ZNF827: variants seen among roughly 807,000 people sequenced by gnomAD.
ZNF827 encodes the protein zinc finger protein 827.
Under a neutral mutation model 102.4 loss-of-function variants are expected in ZNF827, and 13 were observed. The ratio of observed to expected loss-of-function variants is 0.13; its 90% CI spans 0.08 to 0.20. The LOEUF is 0.20. Ranked by LOEUF, ZNF827 falls within the 10% of genes least tolerant of loss-of-function variation. The pLI is 1.00. For synonymous variants in ZNF827, 523 were observed against 536.2 expected, an observed-to-expected ratio of 0.98 and a Z score of 0.34; for missense variants, 1,103 against 1,344.4, an observed-to-expected ratio of 0.82 and a Z score of 2.81.
At chr4:145,799,356 T>A (rs534149983) in intron 8 of ZNF827, among the ~76,000 whole-genome samples, 1 of 152,198 alleles carries the variant, frequency 6.6e-6, no homozygotes, top group African/African-American at 2.4e-5. Context: ...TATGACATCA[T>A]TAATCCTCAC....
At chr4:145,935,928 A>G (rs1371320882) in intron 1 of ZNF827, among the ~76,000 whole-genome samples, 1 of 152,244 alleles carries the variant, frequency 6.6e-6, no homozygotes, top group African/African-American at 2.4e-5. Context: ...CACAGACGAA[A>G]CAGATAAATC....
In ZNF827 at chr4:145,885,885, C is replaced by T; in HGVS notation, c.1540G>A (p.Gly514Arg). The change falls in exon 4 of 15, where the codon GGG (glycine) becomes AGG (arginine). Residue 514 changes from glycine (G) to arginine (R), a missense_variant. By Grantham distance (125) the Gly-to-Arg change is moderately radical. Coordinates refer to ENST00000508784, the MANE Select transcript of ZNF827 (RefSeq NM_001306215.2). ...ACCAGCAAAGGCGAGACGCCAGCCC[C>T]TCCCTGGCTAGTCCTCTCTGGAGTG... is the stretch of plus-strand genomic sequence containing the variant. ...SNTPERTSQGGAGVSPLLVKE... is the reference protein window; with the variant it reads ...SNTPERTSQGRAGVSPLLVKE... 1 of 1,614,236 alleles carries T rather than the reference C, an allele frequency of 6.2e-7. No individual in the cohort carries two copies. The highest frequency in any genetic ancestry group is 8.5e-7 in the Non-Finnish European group (1 of 1,180,050).
intron 4 of ZNF827, 25 bp from the exon 5 acceptor site, chr4:145,870,503 T>C: frequency 3.1e-6 from 5 of 1,606,434 alleles, no homozygotes; most frequent in South Asian, 2.2e-5. Context: ...AAAGGGATTA[T>C]ATATACATAA....
intron 1 of ZNF827, among the ~76,000 whole-genome samples, chr4:145,935,915 C>G (rs538488620): frequency 6.6e-6 from 1 of 152,270 alleles, no homozygotes; most frequent in African/African-American, 2.4e-5. Flanking sequence ...GTTCCATCTC[C>G]GTCACAGACG....
intron 5 of ZNF827, among the ~76,000 whole-genome samples, chr4:145,860,354 A>G (rs1337491401): frequency 6.6e-6 from 1 of 152,184 alleles, no homozygotes; most frequent in Non-Finnish European, 1.5e-5. Flanking sequence ...AACGCCCTCT[A>G]CCTCAAAATA....
chr4:145,769,621 C>T (rs866251040), intron 11 of ZNF827, among the ~76,000 whole-genome samples: 2 of 152,200 alleles, frequency 1.3e-5, no homozygotes, highest in Non-Finnish European at 2.9e-5. Context: ...AACAGCCTCT[C>T]CTGTTTCTGT....
chr4:145,913,147 C>A (rs1252768089), intron 1 of ZNF827, among the ~76,000 whole-genome samples: 1 of 151,988 alleles, frequency 6.6e-6, no homozygotes, highest in Non-Finnish European at 1.5e-5. Context: ...AAAAATAGGC[C>A]AAGCATGGTG....
intron 2 of ZNF827, among the ~76,000 whole-genome samples, chr4:145,894,937 A>T (rs1750864460): frequency 6.6e-6 from 1 of 152,196 alleles, no homozygotes; most frequent in African/African-American, 2.4e-5. Flanking sequence ...CTGGAGAGAA[A>T]GGACTGAATC....
At chr4:145,930,294 C>A (rs184586594) in intron 1 of ZNF827, among the ~76,000 whole-genome samples, 10 of 152,266 alleles carry the variant, frequency 6.6e-5, no homozygotes, top group Middle Eastern at 3.4e-3. Flanking sequence ...TTTTTCCTGG[C>A]CTTCTTCAGT....
At chr4:145,928,920 G>A (rs1162045099) in intron 1 of ZNF827, among the ~76,000 whole-genome samples, 2 of 152,202 alleles carry the variant, frequency 1.3e-5, no homozygotes, top group Non-Finnish European at 2.9e-5. Context: ...CATGCCTGGG[G>A]AATGGAGACA....
chr4:145,840,351 TG>T (rs1410289996), intron 7 of ZNF827, among the ~76,000 whole-genome samples: 1 of 152,218 alleles, frequency 6.6e-6, no homozygotes, highest in Admixed American at 6.5e-5. Context: ...AGATTTATTG[TG>T]ACAATATTCC....
chr4:145,773,991 T>A (rs930765363), intron 11 of ZNF827, among the ~76,000 whole-genome samples: 1 of 152,050 alleles, frequency 6.6e-6, no homozygotes, highest in African/African-American at 2.4e-5. Context: ...TGGGCTGAGT[T>A]TCAGTAGTCA....
Position 145,903,243 on chromosome 4 carries a change from A to G in ZNF827, c.44-28T>C, listed in dbSNP as rs201777522. 1,027 of 1,568,734 alleles carry G rather than the reference A, an allele frequency of 6.5e-4. 10 individuals carry two copies. In the African/African-American group the frequency reaches 0.012, roughly 18 times the overall value. On this transcript the variant is annotated intron_variant, in intron 1 of 14. Transcript: ENST00000508784. ...GGGGAGAATTAAGAAGATCAGGTTT[A>G]CTCCCAAAGTGAACAATAAGTAAGT...
At chr4:145,775,684 A>G (rs1736956444) in intron 10 of ZNF827, 105 bp downstream of exon 10, 1 of 1,377,954 alleles carries the variant, frequency 7.3e-7, no homozygotes. Flanking sequence ...CCAGGCTATG[A>G]CTGAGAAAAG....
Position 145,854,663 on chromosome 4 carries a change from T to C in ZNF827, c.1982-5102A>G, listed in dbSNP as rs143697362. Reference sequence around the variant, plus strand: ...TTTGTGCTCCTGCAATACTGAAATATTCCAGTTGCTTCAACAGAGCATGCT... The same window carrying C: ...TTTGTGCTCCTGCAATACTGAAATACTCCAGTTGCTTCAACAGAGCATGCT... On this transcript the variant is annotated intron_variant, in intron 5 of 14. Transcript: ENST00000508784. 1.3e-3 allele frequency among the ~76,000 whole-genome samples: 199 copies of C among 152,338 alleles called. 2 individuals are homozygous for C. The highest frequency in any genetic ancestry group is 4.7e-3 in the African/African-American group (195 of 41,578).
At chr4:145,764,365 A>G (rs1734961679) in intron 13 of ZNF827, among the ~76,000 whole-genome samples, 1 of 152,212 alleles carries the variant, frequency 6.6e-6, no homozygotes, top group Non-Finnish European at 1.5e-5. Context: ...CCAGACACAC[A>G]GTACGTTTGA....
rs1463205644 is a variant in ZNF827, at chr4:145,849,427, C to T, written c.2116G>A (p.Glu706Lys). ...YSTLIGREKT[E>K]PLQKMPEGRV... ...CCCTCTGGCATCTTCTGTAAGGGTT[C>T]GGTTTTCTCTCGCCCGATTAAAGTG... is the stretch of plus-strand genomic sequence containing the variant. Residue 706 changes from glutamate (E) to lysine (K), a missense_variant, in exon 6 of 15, where the codon GAA (glutamate) becomes AAA (lysine). By Grantham distance (56) the Glu-to-Lys change is moderately conservative. Coordinates refer to ENST00000508784, the MANE Select transcript of ZNF827 (RefSeq NM_001306215.2). 23 of 1,614,118 alleles carry T rather than the reference C, an allele frequency of 1.4e-5. No homozygotes were observed. Among genetic ancestry groups the T allele is most frequent in the Non-Finnish European group, 1.8e-5 (21 of 1,180,020 alleles).
intron 8 of ZNF827, among the ~76,000 whole-genome samples, chr4:145,792,304 T>C (rs1024178515): frequency 6.6e-6 from 1 of 152,060 alleles, no homozygotes; most frequent in African/African-American, 2.4e-5. Context: ...CCTACTCCTA[T>C]TGACAAAGAG....
intron 3 of ZNF827, among the ~76,000 whole-genome samples, chr4:145,889,762 A>G (rs1485588002): frequency 1.3e-5 from 2 of 152,210 alleles, no homozygotes; most frequent in Middle Eastern, 3.2e-3. Flanking sequence ...GAACTGCCTG[A>G]GGTCAAGAGT....
Sources: gnomAD v4.1 joint callset for allele counts (sites outside exome capture counted in the v4.1 genomes callset) on GRCh38, gnomAD v4.1.1 for gene constraint, MANE v1.5 for transcripts, NCBI Gene and HGNC (gene_info 2026-07-23, HGNC 2026-07-21) for gene names.